NRXN1: variants seen among roughly 807,000 people sequenced by gnomAD.
NRXN1 encodes the protein neurexin-1.
In NRXN1, 39 loss-of-function variants were observed where a neutral mutation model predicts 150.9. The ratio of observed to expected loss-of-function variants is 0.26; its 90% confidence interval spans 0.20 to 0.34. NRXN1 has a LOEUF of 0.34. Ranked by LOEUF, NRXN1 falls within the 10% of genes least tolerant of loss-of-function variation. NRXN1 has a pLI of 1.00. For missense variants in NRXN1, 1,815 were observed against 1,949.9 expected (o/e 0.93, Z 1.30); for synonymous variants, 924 against 757.0 (o/e 1.22, Z -3.62).
chr2:50,969,577 T>C (rs183843543), intron 2 of NRXN1, among the ~76,000 whole-genome samples: 6 of 152,298 alleles, frequency 3.9e-5, no homozygotes, highest in Non-Finnish European at 7.4e-5. Flanking sequence ...CTATTTGATC[T>C]CTCAAAACTA....
chr2:50,826,572 T>C (rs1237002632), intron 5 of NRXN1, among the ~76,000 whole-genome samples: 2 of 152,186 alleles, frequency 1.3e-5, no homozygotes, highest in Non-Finnish European at 2.9e-5. Flanking sequence ...TGACCCTAAG[T>C]AATCCTTCAA....
rs1170285937 is a variant in NRXN1 at position 50,821,945 on chromosome 2, G to A, written c.832+99924C>T. 2.6e-5 allele frequency among the ~76,000 whole-genome samples: 4 copies of A among 151,950 alleles called. No homozygotes were observed. In the South Asian group the frequency reaches 6.2e-4, roughly 24 times the overall value. On this transcript the variant is annotated intron_variant, in intron 5 of 22. Transcript: ENST00000401669. ...TATTTATTTATTTTTAATTTTCTGA[G>A]GGAAAATACAGAATGAAAAGGACGT...
chr2:50,252,586 T>A (rs1383344612), intron 17 of NRXN1, among the ~76,000 whole-genome samples: 1 of 152,176 alleles, frequency 6.6e-6, no homozygotes, highest in Non-Finnish European at 1.5e-5. Flanking sequence ...CATCTTGAGT[T>A]AATTTTTGTA....
chr2:50,841,888 G>C (rs1310322896), intron 5 of NRXN1, among the ~76,000 whole-genome samples: 3 of 152,114 alleles, frequency 2.0e-5, no homozygotes, highest in Non-Finnish European at 4.4e-5. Flanking sequence ...ATTATAGTCT[G>C]GTGAGTTGAA....
chr2:50,352,006 T>C (rs1293461449), intron 17 of NRXN1, among the ~76,000 whole-genome samples: 1 of 152,144 alleles, frequency 6.6e-6, no homozygotes, highest in Non-Finnish European at 1.5e-5. Context: ...TGTACTTGTG[T>C]GAACTCTTGG....
chr2:50,492,380 C>G (rs1006560678), intron 15 of NRXN1, among the ~76,000 whole-genome samples: 4 of 152,130 alleles, frequency 2.6e-5, no homozygotes, highest in Non-Finnish European at 5.9e-5. Flanking sequence ...AATTTATCTT[C>G]TGAGAGAAAG....
chr2:50,130,821 A>G (rs1705356491), intron 18 of NRXN1, among the ~76,000 whole-genome samples: 1 of 152,202 alleles, frequency 6.6e-6, no homozygotes, highest in African/African-American at 2.4e-5. Context: ...TGCTTCATAT[A>G]TCCTCCAGGT....
intron 18 of NRXN1, among the ~76,000 whole-genome samples, chr2:50,219,553 C>T (rs2063651558): frequency 6.6e-6 from 1 of 151,700 alleles, no homozygotes; most frequent in African/African-American, 2.4e-5. Flanking sequence ...ATAACAAACA[C>T]ATCAACTTTA....
intron 2 of NRXN1, among the ~76,000 whole-genome samples, chr2:50,998,980 C>T (rs1244093695): frequency 6.6e-6 from 1 of 151,952 alleles, no homozygotes; most frequent in East Asian, 1.9e-4. Flanking sequence ...CCAATTATAG[C>T]AAGGTCTCTG....
chr2:50,817,743 TAA>T (rs1261141554), intron 5 of NRXN1, among the ~76,000 whole-genome samples: 1 of 152,006 alleles, frequency 6.6e-6, no homozygotes, highest in African/African-American at 2.4e-5. Flanking sequence ...ATTAGTAGAA[TAA>T]AGAGTGATCA....
chr2:49,971,314 G>C (rs1213102359), intron 21 of NRXN1, among the ~76,000 whole-genome samples: 1 of 152,150 alleles, frequency 6.6e-6, no homozygotes, highest in Non-Finnish European at 1.5e-5. Context: ...AAGTGACACA[G>C]ACAGTAGCAT....
In NRXN1 at chr2:50,951,679, T is replaced by G. The variant is rs375588265; in HGVS notation, c.773-25724A>C. On this transcript the variant is annotated intron_variant, in intron 2 of 22. Coordinates refer to ENST00000401669, the MANE Select transcript of NRXN1 (RefSeq NM_001330078.2). The stretch of plus-strand genomic sequence containing the variant: ...ACACAGCTCCATTAGTGTGCAAATG[T>G]AGCTTCATATTCATGCTTCTTTTAG... 2.6e-4 allele frequency among the ~76,000 whole-genome samples: 40 copies of G among 152,186 alleles called. No homozygotes were observed. In the East Asian group the frequency reaches 7.0e-3, roughly 27 times the overall value.
At chr2:50,758,330 A>T (rs566325766) in intron 5 of NRXN1, among the ~76,000 whole-genome samples, 1 of 151,842 alleles carries the variant, frequency 6.6e-6, no homozygotes, top group East Asian at 1.9e-4. Flanking sequence ...CTCATGACCA[A>T]GATTAATGAT....
In NRXN1 at chr2:50,862,327, C is replaced by T. The variant is rs1269969936; in HGVS notation, c.832+59542G>A. The stretch of plus-strand genomic sequence containing the variant: ...GGTATCATAAATTTATTTGGAGGTA[C>T]GATACTTTAGAATACACATATACAC... On this transcript the variant is annotated intron_variant, in intron 5 of 22. Transcript: ENST00000401669. Among the ~76,000 whole-genome samples, 7 of 151,878 alleles carry T rather than the reference C, an allele frequency of 4.6e-5. No individual in the cohort carries two copies. The East Asian group carries it at 5.8e-4, about 13-fold the overall frequency.
chr2:50,079,156 T>C (rs1426246918), intron 19 of NRXN1, among the ~76,000 whole-genome samples: 1 of 152,082 alleles, frequency 6.6e-6, no homozygotes, highest in East Asian at 1.9e-4. Flanking sequence ...TTTTACTCTT[T>C]TGGTTATAAT....
At chr2:50,478,352 A>G (rs996736846) in intron 15 of NRXN1, among the ~76,000 whole-genome samples, 1 of 152,228 alleles carries the variant, frequency 6.6e-6, no homozygotes, top group Non-Finnish European at 1.5e-5. Flanking sequence ...ATAAGAAACC[A>G]CACAGAAATG....
intron 21 of NRXN1, among the ~76,000 whole-genome samples, chr2:50,007,318 C>T (rs1684933364): frequency 6.6e-6 from 1 of 152,070 alleles, no homozygotes; most frequent in African/African-American, 2.4e-5. Flanking sequence ...TGCACTCCAG[C>T]CTGAGTGACA....
intron 21 of NRXN1, among the ~76,000 whole-genome samples, chr2:50,044,490 C>A (rs1446439404): frequency 6.6e-6 from 1 of 152,164 alleles, no homozygotes; most frequent in African/African-American, 2.4e-5. Context: ...TAGTGTCTAG[C>A]ACATTGCCAA....
chr2:50,622,586 A>C (rs7602917), intron 6 of NRXN1, among the ~76,000 whole-genome samples: 89,993 of 151,944 alleles, frequency 0.59, 26,860 homozygotes, highest in East Asian at 0.73. Flanking sequence ...GTAATCACGT[A>C]TTCATTAAAA....
Sources: gnomAD v4.1 joint callset for allele counts (sites outside exome capture counted in the v4.1 genomes callset) on GRCh38, gnomAD v4.1.1 for gene constraint, MANE v1.5 for transcripts, NCBI Gene and HGNC (gene_info 2026-07-23, HGNC 2026-07-21) for gene names.